Variants in NFIB observed in about 807,000 individuals in gnomAD.
NFIB encodes nuclear factor I B, also known as nuclear factor 1 B-type.
NFIB carries 11 observed loss-of-function variants against 61.5 expected under a neutral mutation model. That is an observed-to-expected ratio of 0.18 (90% CI 0.11 to 0.30). NFIB has a LOEUF of 0.30. NFIB is among the 10% of genes least tolerant of loss of function. NFIB has a pLI of 1.00. For synonymous variants in NFIB, 260 were observed against 216.5 expected (o/e 1.20, Z -1.76); for missense variants, 471 against 608.9 (o/e 0.77, Z 2.38).
intron 1 of NFIB, among the ~76,000 whole-genome samples, chr9:14,320,961 G>T (rs1214637960): frequency 6.6e-6 from 1 of 152,060 alleles, no homozygotes; most frequent in Non-Finnish European, 1.5e-5. Context: ...AATACTTAGA[G>T]ATCTTGTCTG....
At chr9:14,523,828 T>G in the NFIB span, among the ~76,000 whole-genome samples, 103 of 152,310 alleles carry the variant, frequency 6.8e-4, no homozygotes, top group African/African-American at 2.2e-3. Flanking sequence ...CTGACTGAGC[T>G]TGTGTGCTTG....
At chr9:14,193,004 T>C (rs945630394) in intron 2 of NFIB, among the ~76,000 whole-genome samples, 2 of 152,000 alleles carry the variant, frequency 1.3e-5, no homozygotes, top group African/African-American at 4.8e-5. Flanking sequence ...ATTTCACGTG[T>C]TTGTTATGAT....
the NFIB span, among the ~76,000 whole-genome samples, chr9:14,480,262 G>A: frequency 6.6e-6 from 1 of 151,968 alleles, no homozygotes; most frequent in African/African-American, 2.4e-5. Flanking sequence ...CAATTACCTT[G>A]CCCAGAATTT....
chr9:14,294,479 C>A (rs1411534508), intron 2 of NFIB, among the ~76,000 whole-genome samples: 1 of 152,192 alleles, frequency 6.6e-6, no homozygotes, highest in South Asian at 2.1e-4. Context: ...CAACAGCAAT[C>A]CCAGTTTACA....
the NFIB span, among the ~76,000 whole-genome samples, chr9:14,477,084 A>G: frequency 2.0e-5 from 3 of 152,332 alleles, no homozygotes; most frequent in East Asian, 5.8e-4. Context: ...ATGAAAAGGC[A>G]GAGGATGTTT....
chr9:14,244,182 C>T (rs928408598), intron 2 of NFIB, among the ~76,000 whole-genome samples: 7 of 152,108 alleles, frequency 4.6e-5, no homozygotes, highest in Non-Finnish European at 1.0e-4. Flanking sequence ...AAGCACTAAA[C>T]AAAGTAAGTG....
intron 2 of NFIB, among the ~76,000 whole-genome samples, chr9:14,242,014 T>A (rs2054413301): frequency 6.6e-6 from 1 of 152,104 alleles, no homozygotes; most frequent in Non-Finnish European, 1.5e-5. Flanking sequence ...GAAGAATTTG[T>A]TTGAAAAGGC....
intron 2 of NFIB, among the ~76,000 whole-genome samples, chr9:14,291,802 T>TA (rs202179375): frequency 0.26 from 37,963 of 146,470 alleles, 5,057 homozygotes; most frequent in Middle Eastern, 0.39. Flanking sequence ...GACTTTCAGT[T>TA]AAAAAAAAAA....
intron 10 of NFIB, among the ~76,000 whole-genome samples, chr9:14,103,840 T>TG (rs2036135129): frequency 6.6e-6 from 1 of 152,168 alleles, no homozygotes; most frequent in Non-Finnish European, 1.5e-5. Context: ...ATCAACAGAT[T>TG]GATAGACATG....
At chr9:14,528,507 C>T in the NFIB span, among the ~76,000 whole-genome samples, 386 of 152,232 alleles carry the variant, frequency 2.5e-3, no homozygotes, top group Non-Finnish European at 4.3e-3. Flanking sequence ...TTACTATTTA[C>T]AAGACTACGA....
intron 1 of NFIB, among the ~76,000 whole-genome samples, chr9:14,380,232 G>A (rs918605220): frequency 6.6e-6 from 1 of 152,162 alleles, no homozygotes; most frequent in Non-Finnish European, 1.5e-5. Flanking sequence ...ATGCTTCTGG[G>A]TCTTCCACCA....
intron 2 of NFIB, among the ~76,000 whole-genome samples, chr9:14,230,436 C>T (rs953837698): frequency 3.3e-5 from 5 of 152,112 alleles, no homozygotes; most frequent in South Asian, 2.1e-4. Flanking sequence ...AAATAAAGGG[C>T]GCTAACAGAA....
intron 1 of NFIB, chr9:14,361,983 G>C (rs1441810261): frequency 1.3e-5 from 2 of 152,102 alleles, no homozygotes; most frequent in Admixed American, 6.5e-5. Context: ...CAACACAAAA[G>C]GTGAAATACA....
At chr9:14,469,999 A>G in the NFIB span, among the ~76,000 whole-genome samples, 1 of 152,214 alleles carries the variant, frequency 6.6e-6, no homozygotes, top group South Asian at 2.1e-4. Context: ...TATTGCAGAG[A>G]TTCACACGGG....
At chr9:14,379,071 G>C (rs868232902) in intron 1 of NFIB, among the ~76,000 whole-genome samples, 4 of 152,146 alleles carry the variant, frequency 2.6e-5, no homozygotes, top group Non-Finnish European at 5.9e-5. Flanking sequence ...GTTGATGATG[G>C]AATTACCTCA....
the NFIB span, among the ~76,000 whole-genome samples, chr9:14,504,558 G>A: frequency 1.3e-5 from 2 of 152,068 alleles, no homozygotes; most frequent in South Asian, 4.1e-4. Flanking sequence ...TTGGTTAGCT[G>A]TATTCCTAAG....
intron 5 of NFIB, among the ~76,000 whole-genome samples, chr9:14,149,675 T>C (rs2042644223): frequency 6.6e-6 from 1 of 152,190 alleles, no homozygotes; most frequent in South Asian, 2.1e-4. Context: ...CATCAACTAA[T>C]TGAAGAACTT....
chr9:14,348,013 G>C (rs998168281), intron 1 of NFIB, among the ~76,000 whole-genome samples: 1 of 152,180 alleles, frequency 6.6e-6, no homozygotes, highest in Non-Finnish European at 1.5e-5. Context: ...CGATCCGACA[G>C]AGCACCCAGG....
chr9:14,195,460 C>A (rs2048370608), intron 2 of NFIB, among the ~76,000 whole-genome samples: 1 of 152,194 alleles, frequency 6.6e-6, no homozygotes, highest in Non-Finnish European at 1.5e-5. Context: ...GCACACGAAA[C>A]AGAGAAATAA....
Sources: allele counts gnomAD v4.1 joint callset (sites outside exome capture counted in the v4.1 genomes callset), GRCh38; gene constraint gnomAD v4.1.1; transcripts MANE v1.5; gene names NCBI Gene and HGNC (gene_info 2026-07-23, HGNC 2026-07-21).